Variants in DACH1 observed in about 807,000 individuals in gnomAD.
DACH1 encodes dachshund family transcription factor 1.
In DACH1, 12 loss-of-function variants were observed where a neutral mutation model predicts 54.2. That is an observed-to-expected ratio of 0.22 (90% CI 0.14 to 0.36). The LOEUF (loss-of-function observed/expected upper bound fraction) is 0.36. DACH1 is among the 10% of genes least tolerant of loss of function. The probability of loss-of-function intolerance (pLI) is 1.00; values close to 1 mark genes in which losing one functional copy is unlikely to be tolerated. For synonymous variants in DACH1, 386 were observed against 366.2 expected, an observed-to-expected ratio of 1.05 and a Z score of -0.62; for missense variants, 805 against 929.8, an observed-to-expected ratio of 0.87 and a Z score of 1.75.
In DACH1 at chr13:71,769,391, A is replaced by C. The variant is rs184043566; in HGVS notation, c.849-87481T>G. 1.2e-3 allele frequency among the ~76,000 whole-genome samples: 181 copies of C among 151,844 alleles called. 1 individual carries two copies. In the East Asian group the frequency reaches 0.014, roughly 11 times the overall value. On this transcript the variant is annotated intron_variant, in intron 1 of 10. Transcript: ENST00000613252. The stretch of plus-strand genomic sequence containing the variant: ...CACTCTCTCTAAAATAGTAGTTTTC[A>C]AACTTTTGTGTGCAATAGAAACACC...
chr13:71,562,953 G>T (rs1416166324), intron 4 of DACH1, among the ~76,000 whole-genome samples: 1 of 152,012 alleles, frequency 6.6e-6, no homozygotes, highest in East Asian at 1.9e-4. Context: ...GCTATATGTA[G>T]AACTCCTTTA....
intron 1 of DACH1, among the ~76,000 whole-genome samples, chr13:71,756,622 T>C (rs1885171470): frequency 6.6e-6 from 1 of 152,014 alleles, no homozygotes; most frequent in South Asian, 2.1e-4. Context: ...TCAAGATAGA[T>C]AGGGCAGGAT....
intron 3 of DACH1, among the ~76,000 whole-genome samples, chr13:71,611,836 T>C (rs1875352386): frequency 6.6e-6 from 1 of 152,142 alleles, no homozygotes; most frequent in East Asian, 1.9e-4. Flanking sequence ...TTTGCCTCCT[T>C]TTTATTATTA....
intron 1 of DACH1, among the ~76,000 whole-genome samples, chr13:71,822,601 T>C (rs1426359913): frequency 6.6e-6 from 1 of 152,210 alleles, no homozygotes; most frequent in Non-Finnish European, 1.5e-5. Flanking sequence ...CAAAAATTTC[T>C]AAAGACAGCT....
chr13:71,570,672 C>T (rs1295613289), intron 4 of DACH1, among the ~76,000 whole-genome samples: 3 of 151,990 alleles, frequency 2.0e-5, no homozygotes, highest in African/African-American at 7.2e-5. Context: ...CATAAAACGA[C>T]CTCACTTTCT....
At chr13:71,501,761 T>C (rs1392855618) in intron 6 of DACH1, among the ~76,000 whole-genome samples, 2 of 152,214 alleles carry the variant, frequency 1.3e-5, no homozygotes, top group African/African-American at 4.8e-5. Context: ...GCTATGATGA[T>C]GTTCATCATT....
intron 2 of DACH1, among the ~76,000 whole-genome samples, chr13:71,655,585 G>T (rs912066962): frequency 4.6e-5 from 7 of 151,730 alleles, no homozygotes; most frequent in African/African-American, 1.7e-4. Flanking sequence ...TGGTCAGGCT[G>T]GTCTCGAACT....
chr13:71,686,975 A>G (rs1480626446), intron 1 of DACH1, among the ~76,000 whole-genome samples: 1 of 152,212 alleles, frequency 6.6e-6, no homozygotes, highest in Non-Finnish European at 1.5e-5. Flanking sequence ...AAAATTAAAT[A>G]ATCTGTGGGG....
intron 1 of DACH1, among the ~76,000 whole-genome samples, chr13:71,739,313 G>A (rs1264190948): frequency 2.6e-5 from 4 of 151,900 alleles, no homozygotes; most frequent in Non-Finnish European, 4.4e-5. Context: ...ATCATGGTTC[G>A]AGGCACCAAC....
chr13:71,746,143 G>A lies in DACH1; in HGVS notation c.849-64233C>T, dbSNP rs143742127. The stretch of plus-strand genomic sequence containing the variant: ...TGAGACAGAAGAATCACTTGAACCC[G>A]GGAGGCAGAGGTTGCGCTGAGCCGA... On this transcript the variant is annotated intron_variant, in intron 1 of 10. Coordinates refer to ENST00000613252, the MANE Select transcript of DACH1 (RefSeq NM_080759.6). 7.4e-3 allele frequency among the ~76,000 whole-genome samples: 1,130 copies of A among 152,192 alleles called. 11 individuals carry two copies. The highest frequency in any genetic ancestry group is 0.023 in the African/African-American group (974 of 41,540).
chr13:71,621,652 T>C (rs1485480230), intron 3 of DACH1, among the ~76,000 whole-genome samples: 3 of 152,042 alleles, frequency 2.0e-5, no homozygotes, highest in Non-Finnish European at 1.5e-5. Flanking sequence ...GATAAAGATG[T>C]AATAATGCCA....
chr13:71,838,179 T>C (rs1303189604), intron 1 of DACH1, among the ~76,000 whole-genome samples: 1 of 152,174 alleles, frequency 6.6e-6, no homozygotes, highest in Non-Finnish European at 1.5e-5. Context: ...CGATTCCTAT[T>C]GCCCCCAGTG....
intron 3 of DACH1, among the ~76,000 whole-genome samples, chr13:71,609,341 C>T (rs555773418): frequency 3.9e-5 from 6 of 152,120 alleles, no homozygotes; most frequent in South Asian, 4.1e-4. Context: ...CACAAACATC[C>T]GCGTGTGTTT....
intron 1 of DACH1, among the ~76,000 whole-genome samples, chr13:71,834,771 C>T (rs17088517): frequency 0.082 from 12,406 of 151,848 alleles, 1,564 homozygotes; most frequent in African/African-American, 0.27. Flanking sequence ...GGAATAATAC[C>T]CATTTGAGAT....
chr13:71,661,991 A>C (rs1486388121), intron 2 of DACH1, among the ~76,000 whole-genome samples: 2 of 152,000 alleles, frequency 1.3e-5, no homozygotes, highest in African/African-American at 4.8e-5. Context: ...ATTTCCTTCA[A>C]CCAATGTTAA....
intron 10 of DACH1, among the ~76,000 whole-genome samples, chr13:71,468,304 G>A (rs1328988641): frequency 6.6e-6 from 1 of 152,118 alleles, no homozygotes; most frequent in Non-Finnish European, 1.5e-5. Flanking sequence ...TGCCCAGCAT[G>A]TGCTAAGTGC....
intron 7 of DACH1, among the ~76,000 whole-genome samples, chr13:71,487,550 G>A (rs1180213162): frequency 6.6e-6 from 1 of 152,134 alleles, no homozygotes; most frequent in East Asian, 1.9e-4. Context: ...AAATGTAGTG[G>A]TCATATACAA....
chr13:71,604,153 C>T (rs1261029352), intron 3 of DACH1, among the ~76,000 whole-genome samples: 2 of 151,902 alleles, frequency 1.3e-5, no homozygotes, highest in Admixed American at 1.3e-4. Context: ...ATAAAAATCA[C>T]TTCATGTAAT....
At position 71,655,193 on chromosome 13, in the gene DACH1, C is replaced by T. The variant is rs550633991; in HGVS notation, c.965-24476G>A. ...ACTTTTCAGCCCTCAATGACTGCCC[C>T]ACTCATTTGATACACATATCATAAT... On this transcript the variant is annotated intron_variant, in intron 2 of 10. Transcript: ENST00000613252. Among the ~76,000 whole-genome samples, 6 of 152,206 alleles carry T rather than the reference C, an allele frequency of 3.9e-5. No homozygotes were observed. The South Asian group carries it at 1.2e-3, about 32-fold the overall frequency.
Sources: gnomAD v4.1 joint callset for allele counts (sites outside exome capture counted in the v4.1 genomes callset) on GRCh38, gnomAD v4.1.1 for gene constraint, MANE v1.5 for transcripts, NCBI Gene and HGNC (gene_info 2026-07-23, HGNC 2026-07-21) for gene names.